Variants in SIMC1 observed in about 807,000 individuals in gnomAD.
SIMC1 encodes SUMO-interacting motif-containing protein 1.
SIMC1 carries 55 observed loss-of-function variants against 82.3 expected under a neutral mutation model. That is an observed-to-expected ratio of 0.67 (90% CI 0.54 to 0.84). The LOEUF (loss-of-function observed/expected upper bound fraction) is 0.84. SIMC1 is among the 40% of genes least tolerant of loss of function. The pLI is 0.00. For missense variants in SIMC1, 915 were observed against 1,107.2 expected (o/e 0.83, Z 2.46); for synonymous variants, 353 against 426.3 (o/e 0.83, Z 2.12).
At chr5:176,297,805 C>T (rs1439657994) in intron 4 of SIMC1, among the ~76,000 whole-genome samples, 1 of 151,976 alleles carries the variant, frequency 6.6e-6, no homozygotes, top group Non-Finnish European at 1.5e-5. Context: ...AGGAGGTTAC[C>T]TGAGGTAGTA....
At chr5:176,291,691 G>T (rs1048666992) in intron 2 of SIMC1, among the ~76,000 whole-genome samples, 20 of 150,570 alleles carry the variant, frequency 1.3e-4, no homozygotes, top group Non-Finnish European at 3.0e-4. Flanking sequence ...TGTTAGCCAG[G>T]ATGGTCTTGA....
chr5:176,251,536 A>G (rs967119978), intron 1 of SIMC1, among the ~76,000 whole-genome samples: 1 of 151,712 alleles, frequency 6.6e-6, no homozygotes, highest in Non-Finnish European at 1.5e-5. Flanking sequence ...TCACTTATGA[A>G]GCATAGTCTG....
chr5:176,266,728 AATT>A (rs1762226675), intron 1 of SIMC1, among the ~76,000 whole-genome samples: 1 of 69,260 alleles, frequency 1.4e-5, no homozygotes, highest in Non-Finnish European at 2.7e-5. Context: ...ACTTCAAAGC[AATT>A]ATTGTAAATG....
chr5:176,284,875 C>T (rs1221926626), intron 1 of SIMC1, among the ~76,000 whole-genome samples: 3 of 152,196 alleles, frequency 2.0e-5, no homozygotes, highest in Non-Finnish European at 4.4e-5. Flanking sequence ...TTCCTGGACA[C>T]ATACACCCTC....
At chr5:176,341,917 C>A (rs1225681950) in intron 9 of SIMC1, among the ~76,000 whole-genome samples, 3 of 152,184 alleles carry the variant, frequency 2.0e-5, no homozygotes. Context: ...TCTGACATAA[C>A]AACTCTTATC....
chr5:176,269,930 T>TA (rs1762354307), intron 1 of SIMC1, among the ~76,000 whole-genome samples: 1 of 151,966 alleles, frequency 6.6e-6, no homozygotes, highest in Non-Finnish European at 1.5e-5. Flanking sequence ...TATTTTATTT[T>TA]TTTTTTTGTA....
chr5:176,292,036 A>C (rs900829192), intron 2 of SIMC1, among the ~76,000 whole-genome samples: 13 of 152,314 alleles, frequency 8.5e-5, no homozygotes, highest in Admixed American at 2.6e-4. Context: ...AGCCTTGGCC[A>C]CAGAGCAAGA....
intron 2 of SIMC1, among the ~76,000 whole-genome samples, chr5:176,291,325 G>A (rs1416891868): frequency 8.7e-5 from 12 of 137,576 alleles, no homozygotes; most frequent in Non-Finnish European, 1.8e-4. Context: ...CGCCATGCCC[G>A]GCTAATTTTT....
intron 1 of SIMC1, among the ~76,000 whole-genome samples, chr5:176,275,423 G>C (rs1762643374): frequency 6.6e-6 from 1 of 151,830 alleles, no homozygotes; most frequent in African/African-American, 2.4e-5. Context: ...TGCAAACAAG[G>C]ACAATTTGAC....
intron 4 of SIMC1, among the ~76,000 whole-genome samples, chr5:176,312,466 G>A (rs1195117729): frequency 6.8e-6 from 1 of 147,774 alleles, no homozygotes; most frequent in East Asian, 2.0e-4. Flanking sequence ...AGCCTGGGAG[G>A]CAGAGGTTAC....
intron 1 of SIMC1, among the ~76,000 whole-genome samples, chr5:176,251,016 G>A (rs1369553879): frequency 3.3e-5 from 5 of 152,122 alleles, no homozygotes; most frequent in African/African-American, 1.2e-4. Flanking sequence ...CTAGCTGGTT[G>A]TTTTGCCCAT....
chr5:176,333,090 T>G (rs1240954241), intron 7 of SIMC1, among the ~76,000 whole-genome samples: 2 of 152,064 alleles, frequency 1.3e-5, no homozygotes. Flanking sequence ...GATCACTTGA[T>G]GTCAGGAGTT....
At chr5:176,315,706 C>A (rs1036742374) in intron 5 of SIMC1, among the ~76,000 whole-genome samples, 2 of 152,062 alleles carry the variant, frequency 1.3e-5, no homozygotes, top group Non-Finnish European at 2.9e-5. Context: ...ACAAGGAGGA[C>A]GTTTCGTTAT....
chr5:176,290,426 A>T lies in SIMC1; in HGVS notation c.902A>T (p.Asp301Val). 6.2e-7 allele frequency: 1 copy of T among 1,614,012 alleles called. No homozygotes were observed. The highest frequency in any genetic ancestry group is 8.5e-7 in the Non-Finnish European group (1 of 1,179,888). Residue 301 changes from aspartate to valine, a missense_variant, in exon 2 of 10, where the codon GAT becomes GTT. Asp to Val is a radical substitution (Grantham distance 152). Around this residue, in one of 2 missense-constraint regions of SIMC1, gnomAD observed 902 missense variants for 1,040.3 expected, o/e 0.87. Coordinates refer to ENST00000429602, the MANE Select transcript of SIMC1 (RefSeq NM_001308195.2). Reference sequence around the variant, plus strand: ...CCTCAAAGCATATTACATCCACAAGATGTGGCATACCTGCAAGACATGCCA... The same window carrying T: ...CCTCAAAGCATATTACATCCACAAGTTGTGGCATACCTGCAAGACATGCCA... ...GLPQSILHPQ[D>V]VAYLQDMPRS...
At chr5:176,289,364 A>G (rs1377979950) in intron 1 of SIMC1, among the ~76,000 whole-genome samples, 12 of 151,932 alleles carry the variant, frequency 7.9e-5, no homozygotes, top group African/African-American at 2.7e-4. Context: ...TTTTGACTTT[A>G]TGACTTAAGG....
intron 1 of SIMC1, among the ~76,000 whole-genome samples, chr5:176,254,825 T>A (rs1761794864): frequency 6.6e-6 from 1 of 152,110 alleles, no homozygotes; most frequent in East Asian, 1.9e-4. Flanking sequence ...CCATAAAAAA[T>A]AAGAATACTC....
chr5:176,281,767 C>T (rs549893782), intron 1 of SIMC1, among the ~76,000 whole-genome samples: 2 of 152,288 alleles, frequency 1.3e-5, no homozygotes, highest in South Asian at 4.1e-4. Context: ...GCGAATGCTG[C>T]CGTCTGATCG....
rs57991528 is a variant in SIMC1, at chr5:176,344,468, TACACACACACACACAC to T, written c.2414-692_2414-677del. On this transcript the variant is annotated intron_variant, in intron 9 of 9. Transcript: ENST00000429602. ...TGCGGATCACTTGAGGTCAGGAGTA[TACACACACACACACAC>T]ACACACACACACACACACACACCTG... 2.7e-5 allele frequency among the ~76,000 whole-genome samples: 4 copies of T among 146,646 alleles called. No homozygotes were observed. The South Asian group carries it at 6.7e-4, about 24-fold the overall frequency.
intron 1 of SIMC1, among the ~76,000 whole-genome samples, chr5:176,250,704 A>G (rs1421082115): frequency 1.3e-5 from 2 of 152,076 alleles, no homozygotes; most frequent in Non-Finnish European, 2.9e-5. Flanking sequence ...TAATCCCTTT[A>G]CCATTATGTA....
Sources: gnomAD v4.1 joint callset for allele counts (sites outside exome capture counted in the v4.1 genomes callset) on GRCh38, gnomAD v4.1.1 for gene constraint, gnomAD v4.1.1 regional missense constraint, MANE v1.5 for transcripts, NCBI Gene and HGNC (gene_info 2026-07-23, HGNC 2026-07-21) for gene names.